Variants in TTC28 observed in about 807,000 individuals in gnomAD.
TTC28 encodes tetratricopeptide repeat domain 28, also known as tetratricopeptide repeat protein 28.
TTC28 carries 61 observed loss-of-function variants against 198.0 expected under a neutral mutation model. The observed-to-expected ratio is 0.31, with a 90% confidence interval of 0.25 to 0.38. The LOEUF is 0.38. Among genes scored for constraint, TTC28 ranks in the 10% least tolerant of loss-of-function variants. The probability of loss-of-function intolerance (pLI) is 1.00; values close to 1 mark genes in which losing one functional copy is unlikely to be tolerated. For synonymous variants in TTC28, 1,171 were observed against 1,297.8 expected (o/e 0.90, Z 2.10); for missense variants, 2,678 against 3,164.0 (o/e 0.85, Z 3.69).
intron 14 of TTC28, among the ~76,000 whole-genome samples, chr22:28,004,050 ACT>A (rs1937824048): frequency 6.6e-6 from 1 of 152,138 alleles, no homozygotes; most frequent in African/African-American, 2.4e-5. Context: ...GCTGAGTGAA[ACT>A]CAGTATTGTC....
At chr22:28,338,590 G>T (rs1358537168) in intron 2 of TTC28, among the ~76,000 whole-genome samples, 1 of 151,942 alleles carries the variant, frequency 6.6e-6, no homozygotes, top group Non-Finnish European at 1.5e-5. Context: ...TCATTCATTT[G>T]ATCTTCCATC....
intron 14 of TTC28, among the ~76,000 whole-genome samples, chr22:28,011,802 G>A (rs1938177374): frequency 6.6e-6 from 1 of 152,160 alleles, no homozygotes; most frequent in South Asian, 2.1e-4. Context: ...AGCTGGGCCA[G>A]AGAGATGAGA....
chr22:28,172,099 C>T (rs1333639939), intron 5 of TTC28, among the ~76,000 whole-genome samples: 1 of 152,162 alleles, frequency 6.6e-6, no homozygotes, highest in Non-Finnish European at 1.5e-5. Context: ...AGGGAGGACA[C>T]AACCCACTCC....
In TTC28 at chr22:27,999,081, A is replaced by G; in HGVS notation, c.4578T>C (p.Ser1526=). The part of the protein sequence containing the change: ...ELLGCQPLVG[S]VATKERVMSA... ...TCATGACCCTCTCCTTGGTGGCCAC[A>G]CTGCCCACTAGGGGCTGGCAGCCCA... The change falls in exon 16 of 23, where the codon AGT becomes AGC. Residue 1526 remains serine (S), a synonymous_variant. Coordinates refer to ENST00000397906, the MANE Select transcript of TTC28 (RefSeq NM_001145418.2). 5 of 1,550,606 alleles carry G rather than the reference A, an allele frequency of 3.2e-6. No homozygotes were observed. Among genetic ancestry groups the G allele is most frequent in the Non-Finnish European group, 4.4e-6 (5 of 1,147,000 alleles).
rs67157147 is a variant in TTC28 at position 28,199,548 on chromosome 22, T to TAC, written c.934-35951_934-35950dup. ...ACCTATACATATATATATATATATA[T>TAC]ACACACAAACACTAAATTATTTGTG... On this transcript the variant is annotated intron_variant, in intron 5 of 22. Coordinates refer to ENST00000397906, the MANE Select transcript of TTC28 (RefSeq NM_001145418.2). 3.0e-3 allele frequency among the ~76,000 whole-genome samples: 437 copies of TAC among 147,468 alleles called. 5 individuals are homozygous for TAC. Among genetic ancestry groups the TAC allele is most frequent in the African/African-American group, 0.01 (400 of 39,476 alleles).
chr22:28,643,865 C>T (rs1184916606), intron 1 of TTC28, among the ~76,000 whole-genome samples: 4 of 152,132 alleles, frequency 2.6e-5, no homozygotes, highest in Non-Finnish European at 5.9e-5. Flanking sequence ...AAGTACTTTA[C>T]ATATGTTAGC....
rs1409625873 is a variant in TTC28 at position 28,371,598 on chromosome 22, A to ATTTTTTTT, written c.382-64963_382-64956dup. Among the ~76,000 whole-genome samples the ATTTTTTTT allele has an allele frequency of 1.2e-3, 34 of 27,760 alleles. 11 individuals are homozygous for ATTTTTTTT. Among genetic ancestry groups the ATTTTTTTT allele is most frequent in the Admixed American group, 3.7e-3 (4 of 1,078 alleles). 18.2% of individuals were successfully genotyped at this position (27,760 alleles called of 152,430 possible). A position where few individuals can be genotyped will look rare whatever the true frequency, so the allele number is the denominator to read the frequency against. On this transcript the variant is annotated intron_variant, in intron 2 of 22. Coordinates refer to ENST00000397906, the MANE Select transcript of TTC28 (RefSeq NM_001145418.2). ...ATCTTAACCAAAAAAAAAAAAAAAAATTTTTTTTTTTTTTGAGACAGAGTC... is the reference window on the plus strand; with the variant it reads ...ATCTTAACCAAAAAAAAAAAAAAAAATTTTTTTTTTTTTTTTTTTTTTGAGACAGAGTC...
At chr22:28,352,058 G>A (rs1466321643) in intron 2 of TTC28, among the ~76,000 whole-genome samples, 1 of 151,878 alleles carries the variant, frequency 6.6e-6, no homozygotes, top group African/African-American at 2.4e-5. Flanking sequence ...TTAATTAACA[G>A]GTTACACAGA....
chr22:28,109,387 A>G (rs1042525235), intron 6 of TTC28, among the ~76,000 whole-genome samples: 1 of 152,252 alleles, frequency 6.6e-6, no homozygotes, highest in Non-Finnish European at 1.5e-5. Context: ...CTAGGAAAGT[A>G]AGTATGTCCA....
chr22:28,493,190 T>C (rs1370403765), intron 2 of TTC28, among the ~76,000 whole-genome samples: 2 of 151,976 alleles, frequency 1.3e-5, no homozygotes, highest in Non-Finnish European at 2.9e-5. Context: ...ACCCTGCCTC[T>C]ACTAAATATA....
chr22:28,014,494 C>CTTCA, intron 13 of TTC28, 102 bp from the exon 14 acceptor site: 1 of 1,363,368 alleles, frequency 7.3e-7, no homozygotes, highest in Non-Finnish European at 9.7e-7. Context: ...CAGGCTGAGG[C>CTTCA]TTCACAGCAG....
At chr22:28,354,501 A>T (rs1295910272) in intron 2 of TTC28, among the ~76,000 whole-genome samples, 1 of 152,118 alleles carries the variant, frequency 6.6e-6, no homozygotes, top group East Asian at 1.9e-4. Context: ...AAAGTAAAAA[A>T]GAGGTTATCA....
chr22:28,070,584 C>A (rs991117435), intron 12 of TTC28, among the ~76,000 whole-genome samples: 1 of 151,996 alleles, frequency 6.6e-6, no homozygotes, highest in East Asian at 1.9e-4. Context: ...GAGTTTGAGA[C>A]CAGCCTGGGG....
chr22:28,434,371 T>C (rs1341821135), intron 2 of TTC28, among the ~76,000 whole-genome samples: 2 of 152,092 alleles, frequency 1.3e-5, no homozygotes, highest in African/African-American at 2.4e-5. Context: ...TAATATATTT[T>C]AGAAAACTTC....
chr22:28,268,741 T>C (rs1027962208), intron 5 of TTC28, among the ~76,000 whole-genome samples: 17 of 152,214 alleles, frequency 1.1e-4, no homozygotes, highest in African/African-American at 3.6e-4. Context: ...AATTAGGTTT[T>C]TGGTTGTTGT....
At chr22:28,078,961 G>T (rs1401591633) in intron 12 of TTC28, among the ~76,000 whole-genome samples, 1 of 152,170 alleles carries the variant, frequency 6.6e-6, no homozygotes, top group Non-Finnish European at 1.5e-5. Context: ...AAACTAGGAG[G>T]TGAAAGGAGG....
intron 2 of TTC28, among the ~76,000 whole-genome samples, chr22:28,587,560 A>G (rs2050340019): frequency 6.6e-6 from 1 of 151,824 alleles, no homozygotes; most frequent in Admixed American, 6.6e-5. Flanking sequence ...GGAGTACACA[A>G]TCTCAGCTCA....
intron 13 of TTC28, among the ~76,000 whole-genome samples, chr22:28,026,040 G>A (rs1176750675): frequency 1.3e-5 from 2 of 152,210 alleles, no homozygotes; most frequent in African/African-American, 2.4e-5. Context: ...CCTTTAGGAA[G>A]TCCTCCTGTG....
intron 2 of TTC28, among the ~76,000 whole-genome samples, chr22:28,569,792 A>C (rs2050033110): frequency 6.6e-6 from 1 of 152,226 alleles, no homozygotes; most frequent in Non-Finnish European, 1.5e-5. Context: ...AATGGGAGAA[A>C]ATGTTTGCAA....
Sources: allele counts gnomAD v4.1 joint callset (sites outside exome capture counted in the v4.1 genomes callset), GRCh38; gene constraint gnomAD v4.1.1; transcripts MANE v1.5; gene names NCBI Gene and HGNC (gene_info 2026-07-23, HGNC 2026-07-21).